SDHC: variants seen among roughly 807,000 people sequenced by gnomAD.
SDHC encodes the protein succinate dehydrogenase cytochrome b560 subunit, mitochondrial.
A neutral mutation model predicts 22.6 loss-of-function variants in SDHC; 11 were observed. That is an observed-to-expected ratio of 0.49 (90% CI 0.31 to 0.81). The LOEUF (loss-of-function observed/expected upper bound fraction) is 0.81, where lower values mean the gene tolerates loss of function less well. SDHC is among the 30% of genes least tolerant of loss of function. The probability of loss-of-function intolerance (pLI) is 0.05; values close to 1 mark genes in which losing one functional copy is unlikely to be tolerated. For missense variants in SDHC, 160 were observed against 212.0 expected (o/e 0.75, Z 1.52); for synonymous variants, 80 against 77.8 (o/e 1.03, Z -0.15).
At chr1:161,339,504 A>T in intron 3 of SDHC, 5 of 953,592 alleles carry the variant, frequency 5.2e-6, no homozygotes, top group Non-Finnish European at 7.2e-6. Context: ...AGTGTCTTTG[A>T]CCCATGTTTC....
At chr1:161,349,587 T>C (rs982767037) in intron 4 of SDHC, among the ~76,000 whole-genome samples, 5 of 152,260 alleles carry the variant, frequency 3.3e-5, no homozygotes, top group Non-Finnish European at 7.3e-5. Flanking sequence ...TAGCCTATTC[T>C]CTAGAAAAGC....
chr1:161,350,537 T>C (rs1482289073), intron 4 of SDHC, among the ~76,000 whole-genome samples: 1 of 152,192 alleles, frequency 6.6e-6, no homozygotes, highest in Non-Finnish European at 1.5e-5. Context: ...AACATATGCA[T>C]TAAATATGTA....
intron 3 of SDHC, among the ~76,000 whole-genome samples, chr1:161,337,239 A>C (rs1270131869): frequency 1.3e-5 from 2 of 152,056 alleles, no homozygotes; most frequent in Admixed American, 6.6e-5. Context: ...CTAGTGAAGA[A>C]GACTTGTCTT....
chr1:161,317,851 G>A (rs1338278912), intron 1 of SDHC, among the ~76,000 whole-genome samples: 3 of 150,820 alleles, frequency 2.0e-5, no homozygotes, highest in African/African-American at 7.3e-5. Flanking sequence ...CCACCACGCC[G>A]GGCCAATGTA....
intron 4 of SDHC, among the ~76,000 whole-genome samples, chr1:161,342,644 G>A (rs1000646888): frequency 6.6e-6 from 1 of 151,880 alleles, no homozygotes; most frequent in African/African-American, 2.4e-5. Context: ...AACCTCTCAA[G>A]TAGCTGGGAT....
intron 1 of SDHC, among the ~76,000 whole-genome samples, chr1:161,316,161 G>A (rs1427564191): frequency 2.6e-5 from 4 of 151,918 alleles, no homozygotes; most frequent in African/African-American, 7.3e-5. Context: ...GGAGACAGAT[G>A]CCTTCCTCTT....
At chr1:161,324,805 T>C (rs1318003956) in intron 2 of SDHC, among the ~76,000 whole-genome samples, 1 of 152,220 alleles carries the variant, frequency 6.6e-6, no homozygotes, top group African/African-American at 2.4e-5. Flanking sequence ...TATAATTATA[T>C]AAACATAATT....
chr1:161,342,509 CTTT>C (rs372507462), intron 4 of SDHC, among the ~76,000 whole-genome samples: 3,341 of 141,426 alleles, frequency 0.024, 92 homozygotes, highest in African/African-American at 0.072. Context: ...CCTGGTATGT[CTTT>C]TTTTTTTTTT....
chr1:161,360,643 G>A (rs560512702), intron 5 of SDHC, among the ~76,000 whole-genome samples: 2 of 152,094 alleles, frequency 1.3e-5, no homozygotes, highest in South Asian at 4.2e-4. Flanking sequence ...CACTTTGGGA[G>A]GCTGAGGCGG....
intron 5 of SDHC, among the ~76,000 whole-genome samples, chr1:161,358,041 T>C (rs1459334062): frequency 1.4e-5 from 2 of 147,440 alleles, no homozygotes; most frequent in East Asian, 3.9e-4. Context: ...TCTTTTTTTT[T>C]TTTTTTTTTT....
rs536197277 is a variant in SDHC, at chr1:161,356,717, G to A, written c.282G>A (p.Gly94=). The part of the protein sequence containing the change: ...LFGMSALLLP[G]NFESYLELVK... ...GCATGTCGGCCCTGTTACTCCCTGG[G>A]AACTTTGAGTCTTATTTGGAACTTG... Residue 94 remains glycine (G), a synonymous_variant, in exon 5 of 6, where the codon GGG becomes GGA. Coordinates refer to ENST00000367975, the MANE Select transcript of SDHC (RefSeq NM_003001.5). The A allele has an allele frequency of 9.3e-6, 15 of 1,613,964 alleles. No individual in the cohort carries two copies. The African/African-American group carries it at 1.9e-4, about 20-fold the overall frequency.
chr1:161,360,629 T>C (rs55783815), intron 5 of SDHC, among the ~76,000 whole-genome samples: 17,592 of 145,388 alleles, frequency 0.12, 1,385 homozygotes, highest in African/African-American at 0.23. Flanking sequence ...ACCTGTAATC[T>C]CAGCACTTTG....
chr1:161,353,475 C>T lies in SDHC; in HGVS notation c.242-3202C>T, dbSNP rs1178883805. Among the ~76,000 whole-genome samples the T allele has an allele frequency of 2.6e-5, 4 of 152,246 alleles. No individual in the cohort carries two copies. In the South Asian group the frequency reaches 8.3e-4, roughly 32 times the overall value. ...CTTCTATAATAGCTTATCATCTATCCAGAGTGTCAAAGACTCTGAACCCTC... is the reference window on the plus strand; with the variant it reads ...CTTCTATAATAGCTTATCATCTATCTAGAGTGTCAAAGACTCTGAACCCTC... On this transcript the variant is annotated intron_variant, in intron 4 of 5. Coordinates refer to ENST00000367975, the MANE Select transcript of SDHC (RefSeq NM_003001.5).
In SDHC at chr1:161,340,653, C is replaced by A; in HGVS notation, c.239C>A (p.Ala80Glu). ...CGTGGCACTGGTATTGCTTTGAGTG[C>A]AGGTATGTATATGTGTTTTTACACA... ...CHRGTGIALSAGVSLFGMSAL... is the reference protein window; with the variant it reads ...CHRGTGIALSEGVSLFGMSAL... Residue 80 changes from alanine (A) to glutamate (E), a missense_variant and splice_region_variant, in exon 4 of 6, where the codon GCA becomes GAA. By Grantham distance (107) the Ala-to-Glu change is moderately radical. This residue lies in a region of SDHC where 74 missense variants were observed against 128.6 expected (regional missense o/e 0.58). Transcript: ENST00000367975. The A allele has an allele frequency of 6.2e-7, 1 of 1,613,092 alleles. No homozygotes were observed. Among genetic ancestry groups the A allele is most frequent in the Admixed American group, 1.7e-5 (1 of 60,004 alleles).
intron 4 of SDHC, among the ~76,000 whole-genome samples, chr1:161,349,106 A>G (rs1558179335): frequency 6.6e-6 from 1 of 152,198 alleles, no homozygotes; most frequent in African/African-American, 2.4e-5. Context: ...ATGTATCTGT[A>G]TATGAATTGT....
At chr1:161,341,052 C>T (rs1671702540) in intron 4 of SDHC, among the ~76,000 whole-genome samples, 1 of 152,090 alleles carries the variant, frequency 6.6e-6, no homozygotes, top group African/African-American at 2.4e-5. Flanking sequence ...ACCATGTTAG[C>T]CAGGATGGTC....
chr1:161,314,668 C>T (rs1318607938), intron 1 of SDHC: 2 of 588,316 alleles, frequency 3.4e-6, no homozygotes, highest in East Asian at 2.8e-5. Flanking sequence ...CTCGCCCCTT[C>T]TGTTTTCCCC....
intron 3 of SDHC, among the ~76,000 whole-genome samples, chr1:161,334,925 A>G (rs771588762): frequency 2.4e-4 from 37 of 152,196 alleles, no homozygotes; most frequent in Non-Finnish European, 2.2e-4. Flanking sequence ...CCAAAGTACA[A>G]CCATCACAAT....
At chr1:161,317,167 G>A (rs532147134) in intron 1 of SDHC, among the ~76,000 whole-genome samples, 77 of 151,818 alleles carry the variant, frequency 5.1e-4, no homozygotes, top group African/African-American at 1.8e-3. Flanking sequence ...TACAGCAGGG[G>A]TCTGCCACCA....
Sources: allele counts gnomAD v4.1 joint callset (sites outside exome capture counted in the v4.1 genomes callset), GRCh38; gene constraint gnomAD v4.1.1; regional missense constraint gnomAD v4.1.1; transcripts MANE v1.5; gene names NCBI Gene and HGNC (gene_info 2026-07-23, HGNC 2026-07-21).